ERBB2: variants seen among roughly 807,000 people sequenced by gnomAD.
ERBB2 encodes receptor tyrosine-protein kinase erbB-2.
A neutral mutation model predicts 149.0 loss-of-function variants in ERBB2; 61 were observed. That is an observed-to-expected ratio of 0.41 (90% CI 0.33 to 0.51). ERBB2 has a LOEUF of 0.51. Among genes scored for constraint, ERBB2 ranks in the 20% least tolerant of loss-of-function variants. The pLI, the probability that ERBB2 is intolerant of heterozygous loss-of-function variation, is 0.25. For missense variants in ERBB2, 1,205 were observed against 1,655.1 expected (o/e 0.73, Z 4.72); for synonymous variants, 633 against 678.8 (o/e 0.93, Z 1.05).
chr17:39,699,546 A>G (rs1227314965), upstream of ERBB2: 1 of 1,535,146 alleles, frequency 6.5e-7, no homozygotes, highest in South Asian at 1.2e-5. Flanking sequence ...GATACTTCAA[A>G]GATTCCAGAA....
At chr17:39,703,862 A>C (rs1252338601) in intron 1 of ERBB2, among the ~76,000 whole-genome samples, 1 of 152,246 alleles carries the variant, frequency 6.6e-6, no homozygotes, top group South Asian at 2.1e-4. Context: ...TTGGGGACAC[A>C]GGTCATTTTA....
intron 3 of ERBB2, 49 bp downstream of exon 3, chr17:39,708,583 C>G (rs2058603452): frequency 2.8e-6 from 4 of 1,447,158 alleles, no homozygotes; most frequent in Non-Finnish European, 3.9e-6. Flanking sequence ...CAGAGCTGAC[C>G]AGGGCCACTG....
chr17:39,724,141 C>G, intron 19 of ERBB2, 131 bp downstream of exon 19: 1 of 636,422 alleles, frequency 1.6e-6, no homozygotes, highest in South Asian at 2.0e-5. Flanking sequence ...TTTTTGGAGA[C>G]GGAGTCTTGC....
Position 39,719,844 on chromosome 17 carries a change from GACCCCAGGATGT to G in ERBB2, c.1946+15_1946+26del. On this transcript the variant is annotated intron_variant, in intron 16 of 26. Transcript: ENST00000269571. ...CCGAGCAGAGAGCCAGGTTGGCCTG[GACCCCAGGATGT>G]ACCCTTCATTGCCCTTCACTCCCCC... The G allele has an allele frequency of 6.2e-7, 1 of 1,614,032 alleles. No individual in the cohort carries two copies. Among genetic ancestry groups the G allele is most frequent in the Non-Finnish European group, 8.5e-7 (1 of 1,179,880 alleles).
chr17:39,707,519 A>G (rs1484328053), intron 2 of ERBB2: 7 of 185,638 alleles, frequency 3.8e-5, no homozygotes, highest in Non-Finnish European at 7.7e-5. Flanking sequence ...GACGAGCCCT[A>G]TGAATGTGGC....
chr17:39,727,256 G>GT lies in ERBB2; in HGVS notation c.3160-38dup, dbSNP rs763774651. On this transcript the variant is annotated intron_variant, in intron 25 of 26. Transcript: ENST00000269571. The surrounding 1 kb of genome is among the most constrained non-coding windows in gnomAD (Gnocchi z 4.3). ...TCCATGGAGTCCCCATCCCAGATCC[G>GT]TGAGTGACCCCCATCATGACTTTCT... is the stretch of plus-strand genomic sequence containing the variant. 6.2e-7 allele frequency: 1 copy of GT among 1,608,474 alleles called. No individual in the cohort carries two copies. Among genetic ancestry groups the GT allele is most frequent in the Non-Finnish European group, 8.5e-7 (1 of 1,178,590 alleles).
At chr17:39,690,743 T>C (rs1026002086), upstream of ERBB2, among the ~76,000 whole-genome samples, 1 of 151,674 alleles carries the variant, frequency 6.6e-6, no homozygotes, top group African/African-American at 2.4e-5. Context: ...TGGCTTCAGA[T>C]GTGATCCACA....
Position 39,705,264 on chromosome 17 carries a change from G to T in ERBB2, c.74-1726G>T, listed in dbSNP as rs554972188. On this transcript the variant is annotated intron_variant, in intron 1 of 26. Coordinates refer to ENST00000269571, the MANE Select transcript of ERBB2 (RefSeq NM_004448.4). ...TGGTATCCCTTGAAAAGGGCTACAGGGGGTGGAGTCGGACCCTGCCCCAGC... is the reference window on the plus strand; with the variant it reads ...TGGTATCCCTTGAAAAGGGCTACAGTGGGTGGAGTCGGACCCTGCCCCAGC... Among the ~76,000 whole-genome samples, 34 of 152,318 alleles carry T rather than the reference G, an allele frequency of 2.2e-4. 1 individual carries two copies. In the South Asian group the frequency reaches 5.8e-3, roughly 26 times the overall value.
intron 19 of ERBB2, among the ~76,000 whole-genome samples, 181 bp from the exon 20 acceptor site, chr17:39,724,545 A>C (rs901779141): frequency 6.6e-6 from 1 of 151,980 alleles, no homozygotes; most frequent in East Asian, 1.9e-4. Context: ...GGTGTGAGCC[A>C]CCGTGCCCGG....
At chr17:39,715,714 G>T in intron 11 of ERBB2, 26 bp from the exon 12 acceptor site, 1 of 1,604,594 alleles carries the variant, frequency 6.2e-7, no homozygotes, top group Non-Finnish European at 8.5e-7. Flanking sequence ...GGGGTCCGTG[G>T]TAAGGTGCCC....
chr17:39,726,881 G>C lies in ERBB2; in HGVS notation c.3037G>C (p.Asp1013His), dbSNP rs2143174564. ...TFYRSLLEDD[D>H]MGDLVDAEEY... ...CTACCGCTCACTGCTGGAGGACGAT[G>C]ACATGGGGGACCTGGTGGATGCTGA... The change falls in exon 25 of 27, where the codon GAC becomes CAC. Residue 1013 changes from aspartate (D) to histidine (H), a missense_variant. Around this residue, in one of 6 missense-constraint regions of ERBB2, gnomAD observed 312 missense variants for 343.8 expected, o/e 0.91. Coordinates refer to ENST00000269571, the MANE Select transcript of ERBB2 (RefSeq NM_004448.4). The surrounding 1 kb of genome is among the most constrained non-coding windows in gnomAD (Gnocchi z 5.1). The C allele has an allele frequency of 6.2e-7, 1 of 1,614,046 alleles. No individual in the cohort carries two copies. Among genetic ancestry groups the C allele is most frequent in the Non-Finnish European group, 8.5e-7 (1 of 1,179,952 alleles).
Position 39,700,171 on chromosome 17 carries a change from ACCCCGCG to A in ERBB2, c.-57_-51del, listed in dbSNP as rs1035018877. 7 of 1,342,620 alleles carry A rather than the reference ACCCCGCG, an allele frequency of 5.2e-6. No homozygotes were observed. Among genetic ancestry groups the A allele is most frequent in the African/African-American group, 1.5e-5 (1 of 65,048 alleles). The allele number at this position is 1,342,620 out of a possible 1,614,324, so 83.2% of individuals were successfully genotyped here. On this transcript the variant is annotated 5_prime_UTR_variant, in exon 1 of 27. Transcript: ENST00000269571. ...GCGCCCGGCCCCCACCCCTCGCAGC[ACCCCGCG>A]CCCCGCGCCCTCCCAGCCGGGTCCA...
At chr17:39,722,108 G>A (rs899786784) in intron 16 of ERBB2, among the ~76,000 whole-genome samples, 2 of 151,920 alleles carry the variant, frequency 1.3e-5, no homozygotes, top group Non-Finnish European at 2.9e-5. Context: ...AGTAGAGACG[G>A]GGTTTCTCCA....
At chr17:39,691,898 T>C (rs544227387), upstream of ERBB2, among the ~76,000 whole-genome samples, 4 of 129,528 alleles carry the variant, frequency 3.1e-5, no homozygotes, top group African/African-American at 1.2e-4. Flanking sequence ...GATATAGATA[T>C]AGATATATAT....
intron 9 of ERBB2, among the ~76,000 whole-genome samples, chr17:39,715,026 C>T (rs111844750): frequency 1.3e-5 from 2 of 152,276 alleles, no homozygotes; most frequent in African/African-American, 4.8e-5. Context: ...CCTCGGCCTC[C>T]CAAAGTGCTG....
At chr17:39,711,693 C>A (rs934285954) in intron 7 of ERBB2, among the ~76,000 whole-genome samples, 19 of 152,200 alleles carry the variant, frequency 1.2e-4, no homozygotes, top group Non-Finnish European at 2.2e-4. Context: ...AGCACAATGA[C>A]CTTGAATAAT....
chr17:39,708,383 G>A lies in ERBB2; in HGVS notation c.288G>A (p.Leu96=), dbSNP rs2145439560. The A allele has an allele frequency of 9.3e-6, 15 of 1,614,202 alleles. No individual in the cohort carries two copies. Among genetic ancestry groups the A allele is most frequent in the Non-Finnish European group, 1.2e-5 (14 of 1,180,034 alleles). ...IAHNQVRQVP[L]QRLRIVRGTQ... Reference sequence around the variant, plus strand: ...ACAACCAAGTGAGGCAGGTCCCACTGCAGAGGCTGCGGATTGTGCGAGGCA... The same window carrying A: ...ACAACCAAGTGAGGCAGGTCCCACTACAGAGGCTGCGGATTGTGCGAGGCA... The change falls in exon 3 of 27, where the codon CTG becomes CTA. Residue 96 remains leucine, a synonymous_variant. Coordinates refer to ENST00000269571, the MANE Select transcript of ERBB2 (RefSeq NM_004448.4).
upstream of ERBB2, chr17:39,699,945 G>T: frequency 8.6e-7 from 1 of 1,159,342 alleles, no homozygotes; most frequent in Non-Finnish European, 1.1e-6. Context: ...CAGACTTGTT[G>T]GAATGCAGTT....
intron 16 of ERBB2, among the ~76,000 whole-genome samples, chr17:39,720,674 G>A (rs550695116): frequency 7.2e-5 from 11 of 152,016 alleles, no homozygotes; most frequent in African/African-American, 1.2e-4. Flanking sequence ...TTTTTGAGAC[G>A]GAGTCTCACT....
Sources: allele counts gnomAD v4.1 joint callset (sites outside exome capture counted in the v4.1 genomes callset), GRCh38; gene constraint gnomAD v4.1.1; regional missense constraint gnomAD v4.1.1; non-coding constraint Gnocchi (gnomAD v3.1); transcripts MANE v1.5; gene names NCBI Gene and HGNC (gene_info 2026-07-23, HGNC 2026-07-21).